NAXD: variants seen among roughly 807,000 people sequenced by gnomAD.
The protein encoded by NAXD is NAD(P)HX dehydratase, also known as ATP-dependent (S)-NAD(P)H-hydrate dehydratase.
Under a neutral mutation model 35.8 loss-of-function variants are expected in NAXD, and 22 were observed. The observed-to-expected ratio is 0.62, with a 90% CI of 0.44 to 0.88. The LOEUF (loss-of-function observed/expected upper bound fraction) is 0.88. Among genes scored for constraint, NAXD ranks in the 40% least tolerant of loss-of-function variants. The pLI is 0.00. For synonymous variants in NAXD, 189 were observed against 177.6 expected, an observed-to-expected ratio of 1.06 and a Z score of -0.51; for missense variants, 428 against 437.7, an observed-to-expected ratio of 0.98 and a Z score of 0.20.
intron 1 of NAXD, among the ~76,000 whole-genome samples, chr13:110,620,356 C>A (rs1419563162): frequency 6.6e-6 from 1 of 151,684 alleles, no homozygotes; most frequent in Non-Finnish European, 1.5e-5. Context: ...CCGAGGTGGG[C>A]AGATCACAAG....
chr13:110,634,630 C>T (rs748123540), intron 6 of NAXD, 35 bp downstream of exon 6: 10 of 1,614,002 alleles, frequency 6.2e-6, no homozygotes, highest in South Asian at 3.3e-5. Context: ...CTCGGACTCC[C>T]GGAAGGCCTG....
At chr13:110,624,200 C>T in intron 2 of NAXD, 34 bp from the exon 3 acceptor site, 1 of 1,424,124 alleles carries the variant, frequency 7.0e-7, no homozygotes, top group South Asian at 1.2e-5. Context: ...ACCTTATTCT[C>T]AGAAGTTTTT....
At chr13:110,615,973 G>A in intron 1 of NAXD, 1 of 425,708 alleles carries the variant, frequency 2.3e-6, no homozygotes, top group Admixed American at 4.5e-5. Flanking sequence ...GGGGCAGAGG[G>A]TGGCGCCGGG....
chr13:110,619,650 C>T (rs1886186154), intron 1 of NAXD, among the ~76,000 whole-genome samples: 1 of 152,130 alleles, frequency 6.6e-6, no homozygotes, highest in East Asian at 1.9e-4. Context: ...ATCCAGAAGA[C>T]ATTTGGGAGT....
At chr13:110,624,200 CAG>C (rs1314724274) in intron 2 of NAXD, 32 bp from the exon 3 acceptor site, 1 of 1,424,124 alleles carries the variant, frequency 7.0e-7, no homozygotes, top group East Asian at 2.3e-5. Flanking sequence ...ACCTTATTCT[CAG>C]AAGTTTTTGA....
Position 110,627,452 on chromosome 13 carries a change from G to A in NAXD, c.346G>A (p.Ala116Thr), listed in dbSNP as rs1886529014. 2 of 1,613,742 alleles carry A rather than the reference G, an allele frequency of 1.2e-6. No homozygotes were observed. The highest frequency in any genetic ancestry group is 1.3e-5 in the African/African-American group (1 of 74,902). The change falls in exon 5 of 10, where the codon GCT (alanine) becomes ACT (threonine). Residue 116 changes from alanine to threonine, a missense_variant. Around this residue, in one of 3 missense-constraint regions of NAXD, gnomAD observed 208 missense variants for 193.0 expected, o/e 1.08. Transcript: ENST00000680254. Reference protein sequence around the residue: ...IVHPVLDSPNAVHEVEKWLPR... With the variant: ...IVHPVLDSPNTVHEVEKWLPR... ...TTCCTTCTTTAGTGACAGCCCCAAT[G>A]CTGTTCATGAGGTGGAGAAGTGGCT...
chr13:110,634,449 C>A, intron 5 of NAXD, 96 bp from the exon 6 acceptor site: 1 of 1,304,434 alleles, frequency 7.7e-7, no homozygotes, highest in Non-Finnish European at 1.1e-6. Context: ...CAGGACCCTT[C>A]CCTTGGCAAT....
chr13:110,636,460 C>T (rs560995677), intron 8 of NAXD, among the ~76,000 whole-genome samples: 196 of 152,220 alleles, frequency 1.3e-3, no homozygotes, highest in Non-Finnish European at 2.3e-3. Context: ...ATGCTCACAG[C>T]CTCGCACACG....
At chr13:110,634,434 C>G (rs1174444842) in intron 5 of NAXD, 111 bp from the exon 6 acceptor site, 1 of 1,118,162 alleles carries the variant, frequency 8.9e-7, no homozygotes, top group Non-Finnish European at 1.3e-6. Flanking sequence ...AAAGGCCCCA[C>G]CTCCCAGGAC....
intron 5 of NAXD, among the ~76,000 whole-genome samples, chr13:110,629,448 C>T (rs970785718): frequency 2.6e-5 from 4 of 152,200 alleles, no homozygotes; most frequent in Non-Finnish European, 5.9e-5. Flanking sequence ...AGCCCATCCC[C>T]GTTAGCATCT....
chr13:110,624,206 T>C, intron 2 of NAXD, 28 bp from the exon 3 acceptor site: 2 of 1,519,350 alleles, frequency 1.3e-6, no homozygotes, highest in Non-Finnish European at 1.8e-6. Context: ...TTCTCAGAAG[T>C]TTTTGACTCT....
rs1886850236 is a variant in NAXD at position 110,634,684 on chromosome 13, C to G, written c.505C>G (p.Leu169Val). The change falls in exon 7 of 10, where the codon CTG (leucine) becomes GTG (valine). Residue 169 changes from leucine to valine, a missense_variant. By Grantham distance (32) the Leu-to-Val change is conservative. Transcript: ENST00000680254. ...PVVIDADGLW[L>V]VAQQPALIHG... ...TTGTTCTGTGCAGGATGGCCTGTGG[C>G]TGGTCGCTCAGCAGCCGGCCCTCAT... 2 of 1,614,160 alleles carry G rather than the reference C, an allele frequency of 1.2e-6. No homozygotes were observed. Among genetic ancestry groups the G allele is most frequent in the East Asian group, 4.5e-5 (2 of 44,882 alleles).
At chr13:110,624,722 G>T (rs1319117972) in intron 3 of NAXD, among the ~76,000 whole-genome samples, 1 of 152,182 alleles carries the variant, frequency 6.6e-6, no homozygotes, top group East Asian at 1.9e-4. Flanking sequence ...TCGGCCTCCC[G>T]AAGTGCTGGG....
rs1353120311 is a variant in NAXD, at chr13:110,628,687, C to T, written c.441+1140C>T. Among the ~76,000 whole-genome samples, 4 of 151,984 alleles carry T rather than the reference C, an allele frequency of 2.6e-5. No homozygotes were observed. Among genetic ancestry groups the T allele is most frequent in the Non-Finnish European group, 5.9e-5 (4 of 68,018 alleles). On this transcript the variant is annotated intron_variant, in intron 5 of 9. Transcript: ENST00000680254. The surrounding 1 kb of genome is among the most constrained non-coding windows in gnomAD (Gnocchi z 4.1). ...TTTGAGCTTTAAGGTCTTACCCGCT[C>T]ACCGGGAAGGAGGAGGTGGCCATGT...
Position 110,622,154 on chromosome 13 carries a change from T to A in NAXD, c.47-62T>A, listed in dbSNP as rs537586835. 3.7e-5 allele frequency: 52 copies of A among 1,389,806 alleles called. No individual in the cohort carries two copies. The South Asian group carries it at 6.9e-4, about 19-fold the overall frequency. The allele number at this position is 1,389,806 out of a possible 1,614,324, so 86.1% of individuals were successfully genotyped here. On this transcript the variant is annotated intron_variant, in intron 1 of 9. Transcript: ENST00000680254. ...TTGGAGAGGGTTTTGGTTAATGGGC[T>A]ATTATGTGTACTAACAATATCTGTT...
intron 1 of NAXD, among the ~76,000 whole-genome samples, chr13:110,617,393 C>A (rs7991483): frequency 0.044 from 6,638 of 152,250 alleles, 509 homozygotes; most frequent in African/African-American, 0.15. Flanking sequence ...CATCTTAAGT[C>A]GCCTATTGTC....
intron 5 of NAXD, among the ~76,000 whole-genome samples, chr13:110,632,551 A>G (rs563787774): frequency 3.3e-5 from 5 of 152,112 alleles, no homozygotes; most frequent in African/African-American, 1.2e-4. Flanking sequence ...GCTAGACACA[A>G]AGGTTCTCCA....
intron 5 of NAXD, among the ~76,000 whole-genome samples, chr13:110,630,944 C>T (rs1271286824): frequency 1.3e-5 from 2 of 152,220 alleles, no homozygotes; most frequent in Non-Finnish European, 2.9e-5. Context: ...CCCGAGTCCT[C>T]CAAATTCGCT....
rs771416645 is a variant in NAXD, at chr13:110,634,794, CT to C, written c.597+19del. 5.8e-5 allele frequency: 92 copies of C among 1,588,064 alleles called. 1 individual carries two copies. The Admixed American group carries it at 1.4e-3, about 24-fold the overall frequency. Reference sequence around the variant, plus strand: ...ACGCTGTGGTGAGTCAGTGGACCCCCTGGAGGGTAGATGCAAGCCCTGTTCG... The same window carrying C: ...ACGCTGTGGTGAGTCAGTGGACCCCCGGAGGGTAGATGCAAGCCCTGTTCG... On this transcript the variant is annotated intron_variant, in intron 7 of 9. Transcript: ENST00000680254.
Sources: gnomAD v4.1 joint callset for allele counts (sites outside exome capture counted in the v4.1 genomes callset) on GRCh38, gnomAD v4.1.1 for gene constraint, gnomAD v4.1.1 regional missense constraint, Gnocchi (gnomAD v3.1) non-coding constraint, MANE v1.5 for transcripts, NCBI Gene and HGNC (gene_info 2026-07-23, HGNC 2026-07-21) for gene names.